CDC42BPB: variants seen among roughly 807,000 people sequenced by gnomAD.
The protein encoded by CDC42BPB is serine/threonine-protein kinase MRCK beta.
In CDC42BPB, 37 loss-of-function variants were observed where a neutral mutation model predicts 214.9. That is an observed-to-expected ratio of 0.17 (90% CI 0.13 to 0.23). The LOEUF is 0.23. Ranked by LOEUF, CDC42BPB falls within the 10% of genes least tolerant of loss-of-function variation. The probability of loss-of-function intolerance (pLI) is 1.00; values close to 1 mark genes in which losing one functional copy is unlikely to be tolerated. For synonymous variants in CDC42BPB, 931 were observed against 884.0 expected, an observed-to-expected ratio of 1.05 and a Z score of -0.94; for missense variants, 1,694 against 2,227.0, an observed-to-expected ratio of 0.76 and a Z score of 4.82.
chr14:102,963,858 G>C (rs777424821), intron 19 of CDC42BPB, among the ~76,000 whole-genome samples: 2 of 152,210 alleles, frequency 1.3e-5, no homozygotes, highest in Non-Finnish European at 2.9e-5. Context: ...ACAGGATTTG[G>C]GACTTGGTAA....
intron 24 of CDC42BPB, among the ~76,000 whole-genome samples, chr14:102,952,107 G>A (rs1892516736): frequency 6.6e-6 from 1 of 152,034 alleles, no homozygotes; most frequent in Non-Finnish European, 1.5e-5. Flanking sequence ...CAGCACTTCG[G>A]GAGGCTAAGG....
chr14:102,951,946 T>C (rs1892509366), intron 24 of CDC42BPB, among the ~76,000 whole-genome samples: 1 of 152,240 alleles, frequency 6.6e-6, no homozygotes. Context: ...TACTTCGTAG[T>C]AATTCTCAGT....
rs185298344 is a variant in CDC42BPB at position 102,998,083 on chromosome 14, C to T, written c.596+1482G>A. The stretch of plus-strand genomic sequence containing the variant: ...GCAGAGGCTATAGTGAGTGAAATCA[C>T]GCCACTGCACTCCAGCCTGGGTGGC... On this transcript the variant is annotated intron_variant, in intron 5 of 36. Transcript: ENST00000361246. 7.2e-5 allele frequency among the ~76,000 whole-genome samples: 11 copies of T among 152,178 alleles called. No homozygotes were observed. In the South Asian group the frequency reaches 1.5e-3, roughly 20 times the overall value.
chr14:102,984,986 T>C (rs1215288438), intron 6 of CDC42BPB, among the ~76,000 whole-genome samples: 1 of 152,036 alleles, frequency 6.6e-6, no homozygotes, highest in African/African-American at 2.4e-5. Flanking sequence ...TGTGACGGGG[T>C]GGAGTGGAGG....
At chr14:102,994,059 T>C (rs998455341) in intron 5 of CDC42BPB, among the ~76,000 whole-genome samples, 1 of 152,060 alleles carries the variant, frequency 6.6e-6, no homozygotes, top group African/African-American at 2.4e-5. Context: ...TGAGACAGGC[T>C]AGGAAGACAC....
In CDC42BPB at chr14:102,936,449, G is replaced by A. The variant is rs184431895; in HGVS notation, c.5004+1655C>T. Among the ~76,000 whole-genome samples the A allele has an allele frequency of 3.3e-5, 5 of 152,272 alleles. No individual in the cohort carries two copies. The East Asian group carries it at 5.8e-4, about 18-fold the overall frequency. On this transcript the variant is annotated intron_variant, in intron 36 of 36. Coordinates refer to ENST00000361246, the MANE Select transcript of CDC42BPB (RefSeq NM_006035.4). ...CCAGCACTGATGCATGCTACACAAC[G>A]GGGGTGAGCCACAAAACAGTATGCC... is the stretch of plus-strand genomic sequence containing the variant.
At chr14:102,933,878 T>C in intron 36 of CDC42BPB, 35 bp from the exon 37 acceptor site, 2 of 1,480,282 alleles carry the variant, frequency 1.4e-6, no homozygotes, top group Non-Finnish European at 1.8e-6. Context: ...GAGCACCCGC[T>C]GCCCTAGCCT....
At chr14:103,046,174 C>T (rs903757643) in intron 1 of CDC42BPB, among the ~76,000 whole-genome samples, 1 of 152,006 alleles carries the variant, frequency 6.6e-6, no homozygotes, top group Non-Finnish European at 1.5e-5. Context: ...AGCCCTCCTC[C>T]ACCTCAGCCA....
Position 103,054,802 on chromosome 14 carries a change from AAT to A in CDC42BPB, c.175+2195_175+2196del, listed in dbSNP as rs771106866. On this transcript the variant is annotated intron_variant, in intron 1 of 36. Coordinates refer to ENST00000361246, the MANE Select transcript of CDC42BPB (RefSeq NM_006035.4). Reference sequence around the variant, plus strand: ...CAAAGAGCCAGAATACAACTTTGAAAATATGTCTATGTTACAGCACAGTTCCC... The same window carrying A: ...CAAAGAGCCAGAATACAACTTTGAAAATGTCTATGTTACAGCACAGTTCCC... Among the ~76,000 whole-genome samples, 27 of 152,386 alleles carry A rather than the reference AAT, an allele frequency of 1.8e-4. 2 individuals carry two copies. Among genetic ancestry groups the A allele is most frequent in the East Asian group, 1.7e-3 (9 of 5,188 alleles).
At chr14:102,954,433 T>A (rs1483006884) in intron 22 of CDC42BPB, 158 bp from the exon 23 acceptor site, 5 of 972,728 alleles carry the variant, frequency 5.1e-6, no homozygotes, top group Non-Finnish European at 4.9e-6. Context: ...GCCTCCCTCA[T>A]CTAGGGGAGG....
chr14:103,040,381 T>C (rs1323347597), intron 1 of CDC42BPB, among the ~76,000 whole-genome samples: 1 of 152,130 alleles, frequency 6.6e-6, no homozygotes, highest in Non-Finnish European at 1.5e-5. Flanking sequence ...CAGCAAACTT[T>C]ATGTATTTTT....
intron 1 of CDC42BPB, among the ~76,000 whole-genome samples, chr14:103,017,388 C>A (rs1242544880): frequency 3.3e-5 from 5 of 152,002 alleles, no homozygotes; most frequent in Admixed American, 6.6e-5. Context: ...ATTTAAAAAT[C>A]TGATGAAAAA....
chr14:102,978,378 T>C, intron 8 of CDC42BPB, 173 bp from the exon 9 acceptor site: 1 of 982,272 alleles, frequency 1.0e-6, no homozygotes, highest in Non-Finnish European at 1.2e-6. Flanking sequence ...AGATCTGTCT[T>C]TCTCAAGCCT....
chr14:103,046,661 A>C (rs747310007), intron 1 of CDC42BPB, among the ~76,000 whole-genome samples: 3 of 152,130 alleles, frequency 2.0e-5, no homozygotes, highest in African/African-American at 4.8e-5. Flanking sequence ...GAGAACAACA[A>C]CACTTTTTTT....
intron 34 of CDC42BPB, among the ~76,000 whole-genome samples, 191 bp downstream of exon 34, chr14:102,939,419 G>A (rs1236928159): frequency 6.6e-6 from 1 of 152,228 alleles, no homozygotes; most frequent in Non-Finnish European, 1.5e-5. Flanking sequence ...TGTGCACAAG[G>A]CCTTGTGACA....
At position 103,013,875 on chromosome 14, in the gene CDC42BPB, G is replaced by A. The variant is rs111854536; in HGVS notation, c.176-1687C>T. On this transcript the variant is annotated intron_variant, in intron 1 of 36. Coordinates refer to ENST00000361246, the MANE Select transcript of CDC42BPB (RefSeq NM_006035.4). The stretch of plus-strand genomic sequence containing the variant: ...CAACTGGTTACATCCCCCACAAGAA[G>A]CTCCTAGAGGCCAGGCGCAGTGGCT... 4.8e-3 allele frequency among the ~76,000 whole-genome samples: 738 copies of A among 152,274 alleles called. 10 individuals are homozygous for A. Among genetic ancestry groups the A allele is most frequent in the African/African-American group, 0.017 (687 of 41,558 alleles).
intron 7 of CDC42BPB, among the ~76,000 whole-genome samples, chr14:102,982,722 T>C (rs758227982): frequency 6.6e-6 from 1 of 151,794 alleles, no homozygotes; most frequent in Non-Finnish European, 1.5e-5. Flanking sequence ...ATTGCACCAT[T>C]GCACTCCAGC....
intron 1 of CDC42BPB, among the ~76,000 whole-genome samples, chr14:103,038,652 G>A (rs1019789425): frequency 1.4e-5 from 2 of 143,276 alleles, no homozygotes; most frequent in African/African-American, 2.6e-5. Context: ...TCAGCCTCCC[G>A]AGTAGCTGAG....
At chr14:102,974,403 G>A (rs1402386141) in intron 11 of CDC42BPB, 1 of 977,240 alleles carries the variant, frequency 1.0e-6, no homozygotes, top group Non-Finnish European at 1.2e-6. Context: ...TCTCCCCTGA[G>A]CACTGGGAGC....
Sources: gnomAD v4.1 joint callset for allele counts (sites outside exome capture counted in the v4.1 genomes callset) on GRCh38, gnomAD v4.1.1 for gene constraint, MANE v1.5 for transcripts, NCBI Gene and HGNC (gene_info 2026-07-23, HGNC 2026-07-21) for gene names.